The following PCDHGB5 variants were observed in gnomAD, a reference collection of about 807,000 sequenced individuals.
PCDHGB5 encodes protocadherin gamma subfamily B, 5.
PCDHGB5 carries 48 observed loss-of-function variants against 62.9 expected under a neutral mutation model. That is an observed-to-expected ratio of 0.76 (90% confidence interval 0.61 to 0.97). The LOEUF is 0.97. Ranked by LOEUF, PCDHGB5 falls within the 50% of genes least tolerant of loss-of-function variation. The probability of loss-of-function intolerance (pLI) is 0.00; values close to 1 mark genes in which losing one functional copy is unlikely to be tolerated. For synonymous variants in PCDHGB5, 474 were observed against 511.2 expected, an observed-to-expected ratio of 0.93 and a Z score of 0.98; for missense variants, 1,118 against 1,198.6, an observed-to-expected ratio of 0.93 and a Z score of 0.99.
intron 1 of PCDHGB5, among the ~76,000 whole-genome samples, chr5:141,452,416 C>T (rs2098741061): frequency 6.6e-6 from 1 of 152,144 alleles, no homozygotes; most frequent in African/African-American, 2.4e-5. Context: ...GAGGTATGCT[C>T]ACTGCTAATG....
intron 1 of PCDHGB5, chr5:141,409,744 G>A (rs1255485257): frequency 6.2e-7 from 1 of 1,612,978 alleles, no homozygotes; most frequent in Non-Finnish European, 8.5e-7. Flanking sequence ...GCGGGGTGGT[G>A]TTCGCGCAGC....
chr5:141,485,124 C>T lies in PCDHGB5; in HGVS notation c.2398-9683C>T. The T allele has an allele frequency of 7.2e-7, 1 of 1,390,146 alleles. No individual in the cohort carries two copies. The highest frequency in any genetic ancestry group is 1.0e-6 in the Non-Finnish European group (1 of 990,090). The allele number at this position is 1,390,146 out of a possible 1,614,324, so 86.1% of individuals were successfully genotyped here. ...GCTGCTGTGGCTGTTTGGGGCGGGT[C>T]GGCTTCATCCGCGTCTCAGGAGCAA... On this transcript the variant is annotated intron_variant, in intron 1 of 3. Coordinates refer to ENST00000617380, the MANE Select transcript of PCDHGB5 (RefSeq NM_018925.3). The surrounding 1 kb of genome is among the most constrained non-coding windows in gnomAD (Gnocchi z 5.7).
At chr5:141,492,859 C>G (rs966216924) in intron 1 of PCDHGB5, among the ~76,000 whole-genome samples, 1 of 152,232 alleles carries the variant, frequency 6.6e-6, no homozygotes, top group Non-Finnish European at 1.5e-5. Context: ...CTCGAGCGCC[C>G]TGGCTCTCAA....
In PCDHGB5 at chr5:141,477,125, A is replaced by G; in HGVS notation, c.2398-17682A>G. The G allele has an allele frequency of 2.5e-6, 4 of 1,614,212 alleles. No individual in the cohort carries two copies. The highest frequency in any genetic ancestry group is 3.4e-6 in the Non-Finnish European group (4 of 1,180,036). On this transcript the variant is annotated intron_variant, in intron 1 of 3. Transcript: ENST00000617380. This position sits in a 1 kb window ranked among gnomAD's most constrained non-coding sequence, Gnocchi z 4.9. ...CGCCAATCCCGAAGGAGCACATTGC[A>G]AAGTGTTGGTGGAGGTTGTGGATGT...
rs2099684984 is a variant in PCDHGB5 at position 141,489,278 on chromosome 5, G to A, written c.2398-5529G>A. ...ACACTCCCACAGCTCGCTGGGAAAT[G>A]GCAAGTGCTGTGCATGTTGTCCTTG... is the stretch of plus-strand genomic sequence containing the variant. On this transcript the variant is annotated intron_variant, in intron 1 of 3. Transcript: ENST00000617380. The surrounding 1 kb of genome is among the most constrained non-coding windows in gnomAD (Gnocchi z 4.5). The A allele has an allele frequency of 6.4e-7, 1 of 1,561,298 alleles. No homozygotes were observed. The highest frequency in any genetic ancestry group is 2.2e-5 in the East Asian group (1 of 44,520).
chr5:141,424,616 T>C (rs1487572877), intron 1 of PCDHGB5: 1 of 152,152 alleles, frequency 6.6e-6, no homozygotes, highest in Non-Finnish European at 1.5e-5. Flanking sequence ...TCAAATAGAG[T>C]AGTTTGTGAA....
intron 1 of PCDHGB5, chr5:141,492,023 C>T: frequency 1.8e-6 from 1 of 564,804 alleles, no homozygotes; most frequent in Non-Finnish European, 3.0e-6. Context: ...TCGGGGGTCC[C>T]GGGAGGAGGC....
intron 1 of PCDHGB5, chr5:141,423,757 G>A: frequency 5.1e-6 from 2 of 395,134 alleles, no homozygotes; most frequent in Non-Finnish European, 7.1e-6. Flanking sequence ...GTTTGGGGGG[G>A]GGGTGGGGCG....
chr5:141,508,800 C>A (rs973992018), intron 3 of PCDHGB5, among the ~76,000 whole-genome samples: 1 of 152,086 alleles, frequency 6.6e-6, no homozygotes, highest in African/African-American at 2.4e-5. Context: ...CTCTGGAATC[C>A]TGGCTCTTTG....
In PCDHGB5 at chr5:141,413,886, C is replaced by T. The variant is rs916273509; in HGVS notation, c.2397+13362C>T. The T allele has an allele frequency of 8.7e-6, 14 of 1,613,202 alleles. No homozygotes were observed. The African/African-American group carries it at 1.7e-4, about 20-fold the overall frequency. On this transcript the variant is annotated intron_variant, in intron 1 of 3. Transcript: ENST00000617380. ...CTGTCCTTGTCAGTGTGACTGTCTT[C>T]GATGCAAATGACAACGCGCCGGTCT...
At chr5:141,433,646 A>G (rs2097639113) in intron 1 of PCDHGB5, among the ~76,000 whole-genome samples, 1 of 152,012 alleles carries the variant, frequency 6.6e-6, no homozygotes, top group Non-Finnish European at 1.5e-5. Flanking sequence ...GACCAGCCTG[A>G]CCAACATGGA....
chr5:141,510,239 C>T (rs2099880022), intron 3 of PCDHGB5, among the ~76,000 whole-genome samples: 1 of 150,434 alleles, frequency 6.6e-6, no homozygotes, highest in Non-Finnish European at 1.5e-5. Flanking sequence ...CGCCACTGCA[C>T]TCCAGGCTGG....
chr5:141,405,225 C>T (rs2154536264), intron 1 of PCDHGB5: 4 of 1,614,082 alleles, frequency 2.5e-6, no homozygotes, highest in Non-Finnish European at 1.7e-6. Context: ...CAGGAGTTCT[C>T]CCTCACCGCT....
intron 1 of PCDHGB5, among the ~76,000 whole-genome samples, chr5:141,457,537 T>C (rs967428207): frequency 6.6e-6 from 1 of 152,228 alleles, no homozygotes; most frequent in Non-Finnish European, 1.5e-5. Context: ...TAGGGTTTAA[T>C]GACAAATGTA....
intron 1 of PCDHGB5, chr5:141,403,329 T>C (rs1325114096): frequency 1.2e-6 from 2 of 1,613,990 alleles, no homozygotes; most frequent in Admixed American, 1.7e-5. Context: ...GTAACTGATA[T>C]TAACGACAGC....
chr5:141,419,571 G>C, intron 1 of PCDHGB5: 1 of 1,611,704 alleles, frequency 6.2e-7, no homozygotes. Context: ...GGTCCCGACG[G>C]CTCCGCGCTC....
chr5:141,466,819 C>A (rs2099130454), intron 1 of PCDHGB5, among the ~76,000 whole-genome samples: 1 of 152,068 alleles, frequency 6.6e-6, no homozygotes, highest in Non-Finnish European at 1.5e-5. Context: ...CATGGTATAA[C>A]AAGTTAGTAT....
intron 1 of PCDHGB5, chr5:141,413,740 C>T (rs1274240064): frequency 5.6e-6 from 9 of 1,613,284 alleles, no homozygotes; most frequent in African/African-American, 1.3e-5. Flanking sequence ...AGTTCAGAGC[C>T]GTGCCAATGG....
chr5:141,422,447 C>G, intron 1 of PCDHGB5: 2 of 1,610,922 alleles, frequency 1.2e-6, no homozygotes, highest in Non-Finnish European at 1.7e-6. Flanking sequence ...AAATTGATAA[C>G]AAGCAGAGTG....
Sources: allele counts gnomAD v4.1 joint callset (sites outside exome capture counted in the v4.1 genomes callset), GRCh38; gene constraint gnomAD v4.1.1; non-coding constraint Gnocchi (gnomAD v3.1); transcripts MANE v1.5; gene names NCBI Gene and HGNC (gene_info 2026-07-23, HGNC 2026-07-21).